ZMIZ2: variants seen among roughly 807,000 people sequenced by gnomAD.
ZMIZ2 encodes zinc finger MIZ-type containing 2, also known as zinc finger MIZ domain-containing protein 2.
ZMIZ2 carries 26 observed loss-of-function variants against 93.9 expected under a neutral mutation model. The ratio of observed to expected loss-of-function variants is 0.28; its 90% CI spans 0.20 to 0.38. The LOEUF (loss-of-function observed/expected upper bound fraction) is 0.38, where lower values mean the gene tolerates loss of function less well. Ranked by LOEUF, ZMIZ2 falls within the 10% of genes least tolerant of loss-of-function variation. The pLI, the probability that ZMIZ2 is intolerant of heterozygous loss-of-function variation, is 1.00. For missense variants in ZMIZ2, 1,023 were observed against 1,235.0 expected, an observed-to-expected ratio of 0.83 and a Z score of 2.57; for synonymous variants, 485 against 516.4, an observed-to-expected ratio of 0.94 and a Z score of 0.82.
In ZMIZ2 at chr7:44,761,649, A is replaced by G; in HGVS notation, c.1386-46A>G. ...CACGAGGCTCTGTTCCTCCTCCCAC[A>G]CTCTCAGGGCCCGTTTTCTGGGTGT... is the stretch of plus-strand genomic sequence containing the variant. On this transcript the variant is annotated intron_variant, in intron 10 of 18. Transcript: ENST00000309315. The surrounding 1 kb of genome is among the most constrained non-coding windows in gnomAD (Gnocchi z 5.8). The G allele has an allele frequency of 1.2e-6, 2 of 1,611,754 alleles. No individual in the cohort carries two copies. Among genetic ancestry groups the G allele is most frequent in the Non-Finnish European group, 1.7e-6 (2 of 1,179,116 alleles).
At chr7:44,758,234 C>T in intron 6 of ZMIZ2, 126 bp downstream of exon 6, 1 of 1,257,604 alleles carries the variant, frequency 8.0e-7, no homozygotes, top group South Asian at 2.1e-5. Flanking sequence ...AGTCCCTGCA[C>T]TTTGGGAAAC....
Position 44,760,496 on chromosome 7 carries a change from C to A in ZMIZ2, c.1143C>A (p.Ser381Arg), listed in dbSNP as rs1362914963. The A allele has an allele frequency of 1.9e-6, 3 of 1,614,054 alleles. No homozygotes were observed. In the African/African-American group the frequency reaches 4.0e-5, roughly 22 times the overall value. Residue 381 changes from serine (S) to arginine (R), a missense_variant, in exon 9 of 19, where the codon AGC becomes AGA. Ser to Arg is a moderately radical substitution (Grantham distance 110, BLOSUM62 -1). Around this residue, in one of 3 missense-constraint regions of ZMIZ2, gnomAD observed 656 missense variants for 777.1 expected, o/e 0.84. Transcript: ENST00000309315. ...PGNPTPPMTP[S>R]SSVPYMSPNQ... Reference sequence around the variant, plus strand: ...ACCCCACGCCACCCATGACCCCAAGCAGCAGCGTCCCTTACATGTCACCAA... The same window carrying A: ...ACCCCACGCCACCCATGACCCCAAGAAGCAGCGTCCCTTACATGTCACCAA...
chr7:44,763,137 G>A lies in ZMIZ2; in HGVS notation c.1703-119G>A. Reference sequence around the variant, plus strand: ...GCAGTAGGGGCAGTGGTTAGTTCCAGGTGGCCCCTCAGAGCTGTCAGTGGG... The same window carrying A: ...GCAGTAGGGGCAGTGGTTAGTTCCAAGTGGCCCCTCAGAGCTGTCAGTGGG... On this transcript the variant is annotated intron_variant, in intron 12 of 18. Transcript: ENST00000309315. The surrounding 1 kb of genome is among the most constrained non-coding windows in gnomAD (Gnocchi z 5.6). 13 of 1,487,836 alleles carry A rather than the reference G, an allele frequency of 8.7e-6. No homozygotes were observed. Among genetic ancestry groups the A allele is most frequent in the Non-Finnish European group, 1.2e-5 (13 of 1,088,998 alleles). 92.2% of individuals were successfully genotyped at this position (1,487,836 alleles called of 1,614,324 possible). A position where few individuals can be genotyped will look rare whatever the true frequency, so the allele number is the denominator to read the frequency against.
At position 44,757,982 on chromosome 7, in the gene ZMIZ2, G is replaced by A; in HGVS notation, c.687G>A (p.Met229Ile). 1.2e-6 allele frequency: 2 copies of A among 1,612,634 alleles called. No homozygotes were observed. The highest frequency in any genetic ancestry group is 1.7e-6 in the Non-Finnish European group (2 of 1,179,444). Residue 229 changes from methionine (M) to isoleucine (I), a missense_variant, in exon 6 of 19, where the codon ATG becomes ATA. This residue lies in a region of ZMIZ2 where 656 missense variants were observed against 777.1 expected (regional missense o/e 0.84). Transcript: ENST00000309315. ...CCTCTGGCCTCTCCCCCTTGGCTAT[G>A]AACCCCACCCGGGCAGCAGGAATGA... ...MGPSGLSPLA[M>I]NPTRAAGMTP...
chr7:44,752,954 G>A (rs775416262), intron 1 of ZMIZ2, among the ~76,000 whole-genome samples: 8 of 152,194 alleles, frequency 5.3e-5, no homozygotes, highest in Admixed American at 3.3e-4. Flanking sequence ...CAGAGTGGCT[G>A]TACATTTTAC....
chr7:44,768,049 T>C lies in ZMIZ2; in HGVS notation c.*426T>C. On this transcript the variant is annotated 3_prime_UTR_variant, in exon 19 of 19. Transcript: ENST00000309315. Reference sequence around the variant, plus strand: ...CTCCTCCACTGGGCAGAGCTGGGCATCTGGCAGGGCTGGCTCTGTCCCCTG... The same window carrying C: ...CTCCTCCACTGGGCAGAGCTGGGCACCTGGCAGGGCTGGCTCTGTCCCCTG... 4.5e-6 allele frequency: 1 copy of C among 220,064 alleles called. No homozygotes were observed. The highest frequency in any genetic ancestry group is 9.1e-6 in the Non-Finnish European group (1 of 109,354). The allele number at this position is 220,064 out of a possible 1,614,324, so 13.6% of individuals were successfully genotyped here.
chr7:44,748,633 T>C (rs1789830185), upstream of ZMIZ2: 1 of 151,044 alleles, frequency 6.6e-6, no homozygotes, highest in Admixed American at 6.6e-5. Context: ...TTCAGAAAGG[T>C]GTGGAGGGGG....
Position 44,761,803 on chromosome 7 carries a change from C to T in ZMIZ2, c.1494C>T (p.Ile498=). The T allele has an allele frequency of 1.9e-6, 3 of 1,613,852 alleles. No individual in the cohort carries two copies. Among genetic ancestry groups the T allele is most frequent in the South Asian group, 1.1e-5 (1 of 91,090 alleles). The change falls in exon 11 of 19, where the codon ATC becomes ATT. Residue 498 remains isoleucine (I), a synonymous_variant. Transcript: ENST00000309315. The surrounding 1 kb of genome is among the most constrained non-coding windows in gnomAD (Gnocchi z 5.8). ...QVSVNATPLT[I]ERGDNKTSHK... is the part of the protein sequence containing the mutation. ...GCGTCAATGCCACGCCGCTCACCAT[C>T]GAGCGTGGCGACAACAAGACCTCGC...
At position 44,769,689 on chromosome 7, in the gene ZMIZ2, T is replaced by C. The variant is rs988657910; in HGVS notation, c.*2066T>C. ...ATGCTCCCGGATGGAGTGGAGAAAC[T>C]AGGAGACTGGGACAAGCAAAAGGCT... On this transcript the variant is annotated 3_prime_UTR_variant, in exon 19 of 19. Transcript: ENST00000309315. 1 of 152,432 alleles carries C rather than the reference T, an allele frequency of 6.6e-6. No individual in the cohort carries two copies. Among genetic ancestry groups the C allele is most frequent in the African/African-American group, 2.4e-5 (1 of 41,412 alleles). The allele number at this position is 152,432 out of a possible 1,614,324, so 9.4% of individuals were successfully genotyped here. A position where few individuals can be genotyped will look rare whatever the true frequency, so the allele number is the denominator to read the frequency against.
In ZMIZ2 at chr7:44,757,841, T is replaced by C; in HGVS notation, c.553-7T>C. On this transcript the variant is annotated splice_region_variant and splice_polypyrimidine_tract_variant and intron_variant, in intron 5 of 18. Transcript: ENST00000309315. Reference sequence around the variant, plus strand: ...ACCTGGACCATTCTTCTTTTTTCTCTTCCTAGATGGGGGCCGGACAGTCTT... The same window carrying C: ...ACCTGGACCATTCTTCTTTTTTCTCCTCCTAGATGGGGGCCGGACAGTCTT... 6.5e-7 allele frequency: 1 copy of C among 1,541,460 alleles called. No homozygotes were observed. The highest frequency in any genetic ancestry group is 1.2e-5 in the South Asian group (1 of 80,578).
In ZMIZ2 at chr7:44,760,587, C is replaced by T; in HGVS notation, c.1234C>T (p.Pro412Ser). ...KPNLNSLHSSPSGSGPCDELR... is the reference protein window; with the variant it reads ...KPNLNSLHSSSSGSGPCDELR... ...CAACCTCAACTCCTTGCACTCATCG[C>T]CCTCTGGTAAGTCTGTCCACTCTTG... Residue 412 changes from proline (P) to serine (S), a missense_variant, in exon 9 of 19, where the codon CCC becomes TCC. Physicochemically the swap from Pro to Ser is moderately conservative, Grantham distance 74. This residue lies in a region of ZMIZ2 where 656 missense variants were observed against 777.1 expected (regional missense o/e 0.84). Coordinates refer to ENST00000309315, the MANE Select transcript of ZMIZ2 (RefSeq NM_031449.4). The T allele has an allele frequency of 1.2e-6, 2 of 1,613,822 alleles. No homozygotes were observed. The highest frequency in any genetic ancestry group is 2.2e-5 in the South Asian group (2 of 91,064).
intron 7 of ZMIZ2, 116 bp from the exon 8 acceptor site, chr7:44,760,035 G>C (rs976806560): frequency 9.6e-7 from 1 of 1,039,630 alleles, no homozygotes; most frequent in Admixed American, 2.4e-5. Flanking sequence ...AGATTATTTG[G>C]AAAATACAAG....
Position 44,761,400 on chromosome 7 carries a change from C to T in ZMIZ2, c.1241-49C>T, listed in dbSNP as rs763141666. The T allele has an allele frequency of 6.0e-5, 96 of 1,594,698 alleles. No individual in the cohort carries two copies. The highest frequency in any genetic ancestry group is 6.9e-5 in the Non-Finnish European group (81 of 1,173,812). ...GCTGCCCTCCTTGAGTGACACAAGA[C>T]GCTCTGGCTGGGGCAACCCAGCTCA... On this transcript the variant is annotated intron_variant, in intron 9 of 18. Coordinates refer to ENST00000309315, the MANE Select transcript of ZMIZ2 (RefSeq NM_031449.4). The surrounding 1 kb of genome is among the most constrained non-coding windows in gnomAD (Gnocchi z 5.8).
At chr7:44,758,209 G>C in intron 6 of ZMIZ2, 101 bp downstream of exon 6, 1 of 1,414,390 alleles carries the variant, frequency 7.1e-7, no homozygotes, top group East Asian at 2.6e-5. Context: ...GCTGGGCATG[G>C]TGGCTCACGC....
At position 44,765,672 on chromosome 7, in the gene ZMIZ2, A is replaced by T; in HGVS notation, c.2242+93A>T. On this transcript the variant is annotated intron_variant, in intron 16 of 18. Transcript: ENST00000309315. The surrounding 1 kb of genome is among the most constrained non-coding windows in gnomAD (Gnocchi z 4.1). ...TCTCCTCACCTGCAAGAATGTGGCTATGCAGGTCACACACCTAGGTTATCA... is the reference window on the plus strand; with the variant it reads ...TCTCCTCACCTGCAAGAATGTGGCTTTGCAGGTCACACACCTAGGTTATCA... 1 of 1,501,968 alleles carries T rather than the reference A, an allele frequency of 6.7e-7. No homozygotes were observed. Among genetic ancestry groups the T allele is most frequent in the Non-Finnish European group, 9.0e-7 (1 of 1,115,612 alleles). The allele number at this position is 1,501,968 out of a possible 1,614,324, so 93.0% of individuals were successfully genotyped here. A position where few individuals can be genotyped will look rare whatever the true frequency, so the allele number is the denominator to read the frequency against.
At chr7:44,753,443 A>G (rs1218143082) in intron 1 of ZMIZ2, among the ~76,000 whole-genome samples, 1 of 151,744 alleles carries the variant, frequency 6.6e-6, no homozygotes, top group Admixed American at 6.6e-5. Flanking sequence ...CGGGGGTCTC[A>G]CTCTGTTGCC....
chr7:44,764,824 C>G (rs1791539982), intron 14 of ZMIZ2, 117 bp from the exon 15 acceptor site: 1 of 1,065,378 alleles, frequency 9.4e-7, no homozygotes, highest in African/African-American at 1.6e-5. Flanking sequence ...GTTCAGTTGC[C>G]TCACACAGGA....
In ZMIZ2 at chr7:44,764,271, A is replaced by G. The variant is rs1791476579; in HGVS notation, c.1861-148A>G. ...CTGTTCCCAACCTTGATCCATTAGA[A>G]TGATGTTGCAGTGAAAACCTGGTAC... On this transcript the variant is annotated intron_variant, in intron 13 of 18. Transcript: ENST00000309315. 5.7e-6 allele frequency: 4 copies of G among 704,320 alleles called. No individual in the cohort carries two copies. The Admixed American group carries it at 7.7e-5, about 14-fold the overall frequency. The allele number at this position is 704,320 out of a possible 1,614,324, so 43.6% of individuals were successfully genotyped here. A position where few individuals can be genotyped will look rare whatever the true frequency, so the allele number is the denominator to read the frequency against.
At position 44,756,559 on chromosome 7, in the gene ZMIZ2, C is replaced by G. The variant is rs752310033; in HGVS notation, c.165+20C>G. On this transcript the variant is annotated intron_variant, in intron 3 of 18. Coordinates refer to ENST00000309315, the MANE Select transcript of ZMIZ2 (RefSeq NM_031449.4). ...AGCCAGGTAAGCACCCACTGGTGCC[C>G]CACCCCCGAGCAGACAGAGCCTCCC... 3.7e-6 allele frequency: 6 copies of G among 1,612,626 alleles called. No individual in the cohort carries two copies. Among genetic ancestry groups the G allele is most frequent in the Non-Finnish European group, 5.1e-6 (6 of 1,178,962 alleles).
Sources: gnomAD v4.1 joint callset for allele counts (sites outside exome capture counted in the v4.1 genomes callset) on GRCh38, gnomAD v4.1.1 for gene constraint, gnomAD v4.1.1 regional missense constraint, Gnocchi (gnomAD v3.1) non-coding constraint, MANE v1.5 for transcripts, NCBI Gene and HGNC (gene_info 2026-07-23, HGNC 2026-07-21) for gene names.